Variants in AVL9 observed in about 807,000 individuals in gnomAD.
AVL9 encodes late secretory pathway protein AVL9 homolog.
AVL9 carries 49 observed loss-of-function variants against 79.2 expected under a neutral mutation model. The ratio of observed to expected loss-of-function variants is 0.62; its 90% CI spans 0.49 to 0.79. The LOEUF is 0.79. Ranked by LOEUF, AVL9 falls within the 30% of genes least tolerant of loss-of-function variation. The pLI is 0.00. For synonymous variants in AVL9, 299 were observed against 280.6 expected (o/e 1.07, Z -0.65); for missense variants, 682 against 776.8 (o/e 0.88, Z 1.45).
chr7:32,522,464 C>T (rs985814953), intron 1 of AVL9, among the ~76,000 whole-genome samples: 2 of 152,102 alleles, frequency 1.3e-5, no homozygotes, highest in Non-Finnish European at 2.9e-5. Flanking sequence ...GCATGGGACC[C>T]GTAACCCCAT....
intron 10 of AVL9, among the ~76,000 whole-genome samples, chr7:32,569,123 G>A (rs1412034018): frequency 8.5e-5 from 13 of 152,300 alleles, no homozygotes; most frequent in Non-Finnish European, 7.4e-5. Context: ...ATGTAAACAC[G>A]ATATTATCCA....
chr7:32,521,292 G>T (rs1197880790), intron 1 of AVL9, among the ~76,000 whole-genome samples: 1 of 152,144 alleles, frequency 6.6e-6, no homozygotes, highest in Non-Finnish European at 1.5e-5. Flanking sequence ...GGAAAATGTG[G>T]GAAAGTTTGG....
chr7:32,496,384 A>G (rs1348604677), intron 1 of AVL9, among the ~76,000 whole-genome samples: 4 of 152,096 alleles, frequency 2.6e-5, no homozygotes, highest in Non-Finnish European at 5.9e-5. Flanking sequence ...TAGTTTTGCT[A>G]TTTCATCTTC....
chr7:32,524,293 A>ATC lies in AVL9; in HGVS notation c.94-18847_94-18846dup, dbSNP rs1403019107. On this transcript the variant is annotated intron_variant, in intron 1 of 15. Coordinates refer to ENST00000318709, the MANE Select transcript of AVL9 (RefSeq NM_015060.3). ...CACTTTGGGAGGCCAAGGCAGATGG[A>ATC]TCACCTGAGGTCAGGAGTTTAACAC... Among the ~76,000 whole-genome samples the ATC allele has an allele frequency of 2.0e-5, 3 of 152,054 alleles. No homozygotes were observed. In the East Asian group the frequency reaches 5.9e-4, roughly 30 times the overall value.
At position 32,525,160 on chromosome 7, in the gene AVL9, A is replaced by G. The variant is rs182934176; in HGVS notation, c.94-17981A>G. ...CTCTGGCTAACGAAGGGTCAAAAAA[A>G]TTTATTTTTCCTTTATTTCCAGTTT... is the stretch of plus-strand genomic sequence containing the variant. On this transcript the variant is annotated intron_variant, in intron 1 of 15. Transcript: ENST00000318709. 2.9e-3 allele frequency among the ~76,000 whole-genome samples: 444 copies of G among 152,338 alleles called. 2 individuals carry two copies. Among genetic ancestry groups the G allele is most frequent in the Non-Finnish European group, 3.3e-3 (225 of 68,024 alleles).
intron 1 of AVL9, chr7:32,538,250 C>T (rs1789006113): frequency 6.6e-6 from 1 of 152,148 alleles, no homozygotes; most frequent in Non-Finnish European, 1.5e-5. Context: ...TCTACACCTG[C>T]CCTTAACTCC....
intron 1 of AVL9, among the ~76,000 whole-genome samples, chr7:32,540,920 A>T (rs1383553808): frequency 1.2e-5 from 1 of 85,394 alleles, no homozygotes. Context: ...TTTTTTTGAG[A>T]CGGAGTCTCG....
At chr7:32,549,133 TAA>T (rs1303811574) in intron 4 of AVL9, among the ~76,000 whole-genome samples, 1 of 151,646 alleles carries the variant, frequency 6.6e-6, no homozygotes, top group East Asian at 1.9e-4. Context: ...TATTGGAAAG[TAA>T]GTTGACACAT....
At position 32,586,470 on chromosome 7, in the gene AVL9, C is replaced by CACA. The variant is rs67401065; in HGVS notation, c.*2563_*2564insACA. The CACA allele has an allele frequency of 0.14, 7,105 of 51,182 alleles. 301 individuals carry two copies. The highest frequency in any genetic ancestry group is 0.25 in the Middle Eastern group (25 of 102). The allele number at this position is 51,182 out of a possible 1,614,324, so 3.2% of individuals were successfully genotyped here. On this transcript the variant is annotated 3_prime_UTR_variant, in exon 16 of 16. Coordinates refer to ENST00000318709, the MANE Select transcript of AVL9 (RefSeq NM_015060.3). ...CACCCCTGGTCCTGTGACCCCCCCC[C>CACA]CCCACACACACACATACTTCAGGCT...
In AVL9 at chr7:32,547,405, ATACT is replaced by A. The variant is rs574583987; in HGVS notation, c.301-1439_301-1436del. Among the ~76,000 whole-genome samples, 17 of 152,328 alleles carry A rather than the reference ATACT, an allele frequency of 1.1e-4. No individual in the cohort carries two copies. The South Asian group carries it at 3.5e-3, about 32-fold the overall frequency. ...TTCACTGTTACACTATTATCTTTAC[ATACT>A]TATATGTGAGATGAATTGAGCTGCT... On this transcript the variant is annotated intron_variant, in intron 3 of 15. Coordinates refer to ENST00000318709, the MANE Select transcript of AVL9 (RefSeq NM_015060.3).
chr7:32,571,238 A>AG (rs1790830788), intron 11 of AVL9, among the ~76,000 whole-genome samples: 1 of 149,348 alleles, frequency 6.7e-6, no homozygotes, highest in African/African-American at 2.5e-5. Flanking sequence ...TCAAAAAAAA[A>AG]AAAAAAAAAA....
Position 32,552,264 on chromosome 7 carries a change from T to G in AVL9, c.498T>G (p.Gly166=). ...AACATATGAATAGTTCCTTGGGAGGTGCTTCATTAGAAGGATCCCAAGTAT... is the reference window on the plus strand; with the variant it reads ...AACATATGAATAGTTCCTTGGGAGGGGCTTCATTAGAAGGATCCCAAGTAT... ...LYEHMNSSLG[G]ASLEGSQVYL... is the part of the protein sequence containing the mutation. Residue 166 remains glycine, a synonymous_variant, in exon 6 of 16, where the codon GGT becomes GGG. Transcript: ENST00000318709. The G allele has an allele frequency of 6.2e-7, 1 of 1,603,978 alleles. No individual in the cohort carries two copies. Among genetic ancestry groups the G allele is most frequent in the African/African-American group, 1.3e-5 (1 of 74,816 alleles).
At chr7:32,548,144 C>CTGTCTTTTTTTTTTTTTTTTTT (rs1227025763) in intron 3 of AVL9, among the ~76,000 whole-genome samples, 3 of 57,596 alleles carry the variant, frequency 5.2e-5, no homozygotes, top group African/African-American at 1.6e-4. Context: ...TTTGTCATCT[C>CTGTCTTTTTTTTTTTTTTTTTT]TTTTTTCTTT....
chr7:32,578,915 ATT>A (rs1329897384), intron 13 of AVL9, among the ~76,000 whole-genome samples: 1 of 152,120 alleles, frequency 6.6e-6, no homozygotes, highest in African/African-American at 2.4e-5. Flanking sequence ...ACTCCTAAAG[ATT>A]AGGGAAGGCA....
chr7:32,572,483 A>G (rs1055783236), intron 11 of AVL9, among the ~76,000 whole-genome samples: 4 of 150,770 alleles, frequency 2.7e-5, no homozygotes, highest in Non-Finnish European at 5.9e-5. Flanking sequence ...ATTTTTTAGT[A>G]TATCAAATAT....
chr7:32,515,022 C>G (rs1323129308), intron 1 of AVL9, among the ~76,000 whole-genome samples: 1 of 152,196 alleles, frequency 6.6e-6, no homozygotes, highest in Non-Finnish European at 1.5e-5. Flanking sequence ...TTTCTTAGTG[C>G]AGATCAAAAT....
rs1789297928 is a variant in AVL9 at position 32,543,181 on chromosome 7, A to G, written c.134A>G (p.His45Arg). The G allele has an allele frequency of 1.2e-6, 2 of 1,614,198 alleles. No homozygotes were observed. The highest frequency in any genetic ancestry group is 1.7e-6 in the Non-Finnish European group (2 of 1,180,036). The part of the protein sequence containing the change: ...SYPPLIPGDG[H>R]DSHTLPEEWK... ...CCGCCCCTGATTCCAGGAGATGGAC[A>G]TGACAGCCACACTTTACCTGAAGAA... The change falls in exon 2 of 16, where the codon CAT (histidine) becomes CGT (arginine). Residue 45 changes from histidine to arginine, a missense_variant. Coordinates refer to ENST00000318709, the MANE Select transcript of AVL9 (RefSeq NM_015060.3).
At chr7:32,514,109 C>G (rs1433359114) in intron 1 of AVL9, among the ~76,000 whole-genome samples, 5 of 152,182 alleles carry the variant, frequency 3.3e-5, no homozygotes, top group Non-Finnish European at 7.3e-5. Context: ...GAAACAAATG[C>G]CTTCCTCTTA....
At position 32,586,469 on chromosome 7, in the gene AVL9, C is replaced by CCCCG. The variant is rs1554350215; in HGVS notation, c.*2565_*2566insGCCC. 6.7e-5 allele frequency: 9 copies of CCCCG among 135,296 alleles called. No individual in the cohort carries two copies. Among genetic ancestry groups the CCCCG allele is most frequent in the African/African-American group, 2.6e-4 (9 of 34,836 alleles). The allele number at this position is 135,296 out of a possible 1,614,324, so 8.4% of individuals were successfully genotyped here. ...TCACCCCTGGTCCTGTGACCCCCCC[C>CCCCG]CCCCACACACACACATACTTCAGGC... On this transcript the variant is annotated 3_prime_UTR_variant, in exon 16 of 16. Transcript: ENST00000318709.
Sources: allele counts gnomAD v4.1 joint callset (sites outside exome capture counted in the v4.1 genomes callset), GRCh38; gene constraint gnomAD v4.1.1; transcripts MANE v1.5; gene names NCBI Gene and HGNC (gene_info 2026-07-23, HGNC 2026-07-21).